Variants in BRAF observed in about 807,000 individuals in gnomAD.
The protein encoded by BRAF is serine/threonine-protein kinase B-raf.
A neutral mutation model predicts 104.6 loss-of-function variants in BRAF; 16 were observed. The ratio of observed to expected loss-of-function variants is 0.15; its 90% CI spans 0.10 to 0.23. BRAF has a LOEUF of 0.23. Ranked by LOEUF, BRAF falls within the 10% of genes least tolerant of loss-of-function variation. BRAF has a pLI of 1.00. For missense variants in BRAF, 541 were observed against 937.3 expected (o/e 0.58, Z 5.52); for synonymous variants, 310 against 341.6 (o/e 0.91, Z 1.02).
At chr7:140,896,662 T>C (rs1245144196) in intron 1 of BRAF, among the ~76,000 whole-genome samples, 1 of 151,982 alleles carries the variant, frequency 6.6e-6, no homozygotes, top group Non-Finnish European at 1.5e-5. Context: ...GGTCAGGAGT[T>C]CGAGACCAGC....
chr7:140,804,396 GT>G (rs34852520), intron 5 of BRAF, among the ~76,000 whole-genome samples: 4 of 144,228 alleles, frequency 2.8e-5, no homozygotes, highest in East Asian at 4.0e-4. Context: ...GTAGAGACAG[GT>G]TTTTTTTTTG....
intron 7 of BRAF, among the ~76,000 whole-genome samples, chr7:140,797,314 CA>C (rs1443196977): frequency 6.6e-6 from 1 of 152,158 alleles, no homozygotes; most frequent in Non-Finnish European, 1.5e-5. Flanking sequence ...CATTCTACAG[CA>C]TTTTTAAAAA....
chr7:140,749,990 C>A (rs557884003), intron 16 of BRAF, among the ~76,000 whole-genome samples: 1 of 152,230 alleles, frequency 6.6e-6, no homozygotes, highest in African/African-American at 2.4e-5. Context: ...TTAACAAAAG[C>A]AAGACAGCAG....
At chr7:140,877,487 T>C (rs1254329654) in intron 1 of BRAF, among the ~76,000 whole-genome samples, 1 of 151,604 alleles carries the variant, frequency 6.6e-6, no homozygotes, top group East Asian at 1.9e-4. Flanking sequence ...AAGAACTAAA[T>C]AAACCTAAAG....
chr7:140,742,337 G>A (rs1423143948), intron 17 of BRAF, among the ~76,000 whole-genome samples: 2 of 151,972 alleles, frequency 1.3e-5, no homozygotes, highest in Non-Finnish European at 2.9e-5. Flanking sequence ...GATTACAGGT[G>A]CACACCACCA....
chr7:140,906,449 G>A (rs575808983), intron 1 of BRAF, among the ~76,000 whole-genome samples: 15 of 152,302 alleles, frequency 9.8e-5, no homozygotes, highest in Admixed American at 6.5e-5. Flanking sequence ...CAATCTGCCC[G>A]CCTCAGCCTC....
intron 5 of BRAF, among the ~76,000 whole-genome samples, chr7:140,806,910 G>A (rs1803710981): frequency 6.6e-6 from 1 of 152,108 alleles, no homozygotes; most frequent in South Asian, 2.1e-4. Flanking sequence ...AGCCCAGCTG[G>A]ATTAATCACC....
At chr7:140,846,472 T>C (rs1808553108) in intron 2 of BRAF, among the ~76,000 whole-genome samples, 1 of 152,134 alleles carries the variant, frequency 6.6e-6, no homozygotes, top group African/African-American at 2.4e-5. Context: ...GTCCAATTCA[T>C]AGATCATAGA....
intron 7 of BRAF, among the ~76,000 whole-genome samples, chr7:140,797,481 C>G (rs1217135559): frequency 6.6e-6 from 1 of 152,108 alleles, no homozygotes; most frequent in African/African-American, 2.4e-5. Context: ...TGATACTGAA[C>G]AAGATTGGCT....
chr7:140,735,237 G>A (rs1796308467), intron 18 of BRAF, among the ~76,000 whole-genome samples: 1 of 152,148 alleles, frequency 6.6e-6, no homozygotes, highest in Non-Finnish European at 1.5e-5. Flanking sequence ...CTAGCCATGG[G>A]AAATGTTTTA....
chr7:140,862,575 A>T (rs1004831507), intron 1 of BRAF, among the ~76,000 whole-genome samples: 6 of 152,328 alleles, frequency 3.9e-5, no homozygotes, highest in Middle Eastern at 3.4e-3. Flanking sequence ...TTACATAATT[A>T]AATTCCAGAA....
intron 3 of BRAF, among the ~76,000 whole-genome samples, chr7:140,828,185 A>G (rs576878128): frequency 6.6e-6 from 1 of 152,274 alleles, no homozygotes; most frequent in African/African-American, 2.4e-5. Context: ...GAGCTACCGT[A>G]CCTGGCCAAA....
chr7:140,753,181 A>G, intron 16 of BRAF, 94 bp downstream of exon 15: 1 of 889,234 alleles, frequency 1.1e-6, no homozygotes. Flanking sequence ...AACTATGAAA[A>G]TACTATAGTT....
chr7:140,920,775 GGA>G (rs772713888), intron 1 of BRAF, among the ~76,000 whole-genome samples: 3 of 152,146 alleles, frequency 2.0e-5, no homozygotes, highest in Non-Finnish European at 4.4e-5. Context: ...CAGTAAATAA[GGA>G]GAGAGAAAAG....
In BRAF at chr7:140,725,728, C is replaced by T. The variant is rs1795564273; in HGVS notation, c.*766G>A. The T allele has an allele frequency of 9.4e-7, 1 of 1,058,788 alleles. No individual in the cohort carries two copies. The highest frequency in any genetic ancestry group is 1.7e-5 in the African/African-American group (1 of 60,580). The allele number at this position is 1,058,788 out of a possible 1,614,324, so 65.6% of individuals were successfully genotyped here. On this transcript the variant is annotated 3_prime_UTR_variant, in exon 20 of 20. Coordinates refer to ENST00000644969, the MANE Select transcript of BRAF (RefSeq NM_001374258.1). ...AAAAAAAAACCCAAACACTTATCTT[C>T]ATTGCTGGACCCAATGAGAAAGAAG...
intron 16 of BRAF, among the ~76,000 whole-genome samples, chr7:140,752,505 T>C (rs1407159397): frequency 6.6e-6 from 1 of 152,216 alleles, no homozygotes; most frequent in Non-Finnish European, 1.5e-5. Flanking sequence ...CTTTTAAGAA[T>C]GCTGTTTTAG....
intron 2 of BRAF, among the ~76,000 whole-genome samples, chr7:140,838,113 A>C (rs1350093557): frequency 6.6e-6 from 1 of 152,210 alleles, no homozygotes; most frequent in Non-Finnish European, 1.5e-5. Flanking sequence ...GATACCAGAT[A>C]CCACTTCTTC....
At chr7:140,807,514 C>G (rs1389971805) in intron 5 of BRAF, among the ~76,000 whole-genome samples, 1 of 151,108 alleles carries the variant, frequency 6.6e-6, no homozygotes, top group East Asian at 1.9e-4. Flanking sequence ...CATGGCTCTA[C>G]TTTGATTTAA....
At chr7:140,861,884 A>T (rs1430977869) in intron 1 of BRAF, among the ~76,000 whole-genome samples, 1 of 152,158 alleles carries the variant, frequency 6.6e-6, no homozygotes, top group Non-Finnish European at 1.5e-5. Flanking sequence ...GAAAGAGGGA[A>T]GATACTGAAG....
Sources: gnomAD v4.1 joint callset for allele counts (sites outside exome capture counted in the v4.1 genomes callset) on GRCh38, gnomAD v4.1.1 for gene constraint, MANE v1.5 for transcripts, NCBI Gene and HGNC (gene_info 2026-07-23, HGNC 2026-07-21) for gene names.